SOCS5: variants seen among roughly 807,000 people sequenced by gnomAD.
The protein encoded by SOCS5 is CIS-6.
In SOCS5, 32 loss-of-function variants were observed where a neutral mutation model predicts 42.8. The ratio of observed to expected loss-of-function variants is 0.75; its 90% CI spans 0.56 to 1.01. SOCS5 has a LOEUF of 1.01. SOCS5 is among the 50% of genes least tolerant of loss of function. SOCS5 has a pLI of 0.00. For synonymous variants in SOCS5, 283 were observed against 229.6 expected (o/e 1.23, Z -2.10); for missense variants, 627 against 653.0 (o/e 0.96, Z 0.43).
intron 1 of SOCS5, among the ~76,000 whole-genome samples, chr2:46,726,321 C>T (rs1448556755): frequency 3.9e-5 from 6 of 152,098 alleles, no homozygotes; most frequent in Non-Finnish European, 7.4e-5. Flanking sequence ...TGATCTAAAA[C>T]TCCTAACCTT....
chr2:46,707,570 G>A lies in SOCS5; in HGVS notation c.-13+8121G>A, dbSNP rs41471344. On this transcript the variant is annotated intron_variant, in intron 1 of 1. Transcript: ENST00000394861. ...AAAATTAGGAAATCAGACTAGGACC[G>A]AGGCAGGAGGGGAACAAATTGTGAA... 7.7e-3 allele frequency among the ~76,000 whole-genome samples: 1,167 copies of A among 152,310 alleles called. 23 individuals are homozygous for A. The highest frequency in any genetic ancestry group is 0.027 in the African/African-American group (1,112 of 41,552).
intron 1 of SOCS5, among the ~76,000 whole-genome samples, chr2:46,739,841 G>C (rs1673329982): frequency 6.6e-6 from 1 of 151,964 alleles, no homozygotes; most frequent in Non-Finnish European, 1.5e-5. Context: ...AATCCATTGT[G>C]CATATACTAT....
intron 1 of SOCS5, among the ~76,000 whole-genome samples, chr2:46,744,938 CT>C (rs1673466712): frequency 6.7e-6 from 1 of 149,578 alleles, no homozygotes; most frequent in Non-Finnish European, 1.5e-5. Flanking sequence ...AGTATTGCCC[CT>C]GGAAAGTTTT....
Position 46,746,151 on chromosome 2 carries a change from G to C in SOCS5, c.-12-12368G>C, listed in dbSNP as rs560141561. Among the ~76,000 whole-genome samples the C allele has an allele frequency of 5.3e-5, 8 of 152,130 alleles. No homozygotes were observed. In the South Asian group the frequency reaches 1.5e-3, roughly 28 times the overall value. On this transcript the variant is annotated intron_variant, in intron 1 of 1. Transcript: ENST00000394861. ...AGAAAGGTAGACTGTTTAGGCATCT[G>C]ATTCATCCATGCAAATGATGAAGAC...
chr2:46,710,961 C>T (rs1048442129), intron 1 of SOCS5, among the ~76,000 whole-genome samples: 2 of 152,092 alleles, frequency 1.3e-5, no homozygotes, highest in African/African-American at 4.8e-5. Context: ...TTGAGTCTGG[C>T]TTCTTTTTAT....
chr2:46,716,860 G>A (rs976843633), intron 1 of SOCS5, among the ~76,000 whole-genome samples: 1 of 152,138 alleles, frequency 6.6e-6, no homozygotes, highest in Admixed American at 6.6e-5. Context: ...AGACAGATAC[G>A]GAATAGCTTT....
At chr2:46,749,063 C>T (rs1271523201) in intron 1 of SOCS5, among the ~76,000 whole-genome samples, 2 of 152,042 alleles carry the variant, frequency 1.3e-5, no homozygotes, top group African/African-American at 4.8e-5. Flanking sequence ...GCATTGATGC[C>T]CTGTGCTCTA....
chr2:46,715,117 C>A (rs974393682), intron 1 of SOCS5, among the ~76,000 whole-genome samples: 1 of 151,792 alleles, frequency 6.6e-6, no homozygotes, highest in Non-Finnish European at 1.5e-5. Context: ...TACTGTAATC[C>A]CAGCACTTTG....
chr2:46,729,214 T>C (rs1673059343), intron 1 of SOCS5, among the ~76,000 whole-genome samples: 1 of 152,250 alleles, frequency 6.6e-6, no homozygotes, highest in African/African-American at 2.4e-5. Flanking sequence ...AATTTTTTAC[T>C]AACATCACTG....
intron 1 of SOCS5, among the ~76,000 whole-genome samples, chr2:46,739,912 G>A (rs549105714): frequency 7.2e-5 from 11 of 152,102 alleles, no homozygotes; most frequent in South Asian, 2.1e-4. Context: ...ATTGAAAAAC[G>A]CAGCTGTGAC....
At position 46,763,002 on chromosome 2, in the gene SOCS5, T is replaced by C. The variant is rs1056728964; in HGVS notation, c.*2861T>C. 1.2e-5 allele frequency: 2 copies of C among 167,098 alleles called. No individual in the cohort carries two copies. Among genetic ancestry groups the C allele is most frequent in the Admixed American group, 1.3e-4 (2 of 15,286 alleles). The allele number at this position is 167,098 out of a possible 1,614,324, so 10.4% of individuals were successfully genotyped here. ...CATTTCCACCTGATACAAAAACATT[T>C]AGAGATCTTATTCTATAGATATTAC... is the stretch of plus-strand genomic sequence containing the variant. On this transcript the variant is annotated 3_prime_UTR_variant, in exon 2 of 2. Coordinates refer to ENST00000394861, the MANE Select transcript of SOCS5 (RefSeq NM_144949.3).
chr2:46,750,813 T>A (rs1292748278), intron 1 of SOCS5, among the ~76,000 whole-genome samples: 1 of 152,162 alleles, frequency 6.6e-6, no homozygotes, highest in Non-Finnish European at 1.5e-5. Flanking sequence ...TAGAATAGGC[T>A]AGAAATTTTC....
intron 1 of SOCS5, among the ~76,000 whole-genome samples, chr2:46,756,513 C>A (rs1025270771): frequency 6.6e-6 from 1 of 152,088 alleles, no homozygotes; most frequent in Non-Finnish European, 1.5e-5. Flanking sequence ...GTTTGCTGGC[C>A]CTTGCTCTAC....
At chr2:46,734,866 A>G (rs538429842) in intron 1 of SOCS5, among the ~76,000 whole-genome samples, 32 of 152,158 alleles carry the variant, frequency 2.1e-4, no homozygotes, top group Non-Finnish European at 4.3e-4. Flanking sequence ...TCTCTTCCCC[A>G]CTTTTCAGGT....
chr2:46,743,251 ATAGAG>A (rs773747140), intron 1 of SOCS5, among the ~76,000 whole-genome samples: 22 of 152,170 alleles, frequency 1.4e-4, no homozygotes, highest in Non-Finnish European at 1.9e-4. Flanking sequence ...GGGTGAGTCC[ATAGAG>A]TAAAGTGAAA....
At position 46,759,577 on chromosome 2, in the gene SOCS5, C is replaced by T. The variant is rs41489952; in HGVS notation, c.1047C>T (p.Thr349=). 1 of 1,613,806 alleles carries T rather than the reference C, an allele frequency of 6.2e-7. No homozygotes were observed. Among genetic ancestry groups the T allele is most frequent in the Non-Finnish European group, 8.5e-7 (1 of 1,179,816 alleles). Residue 349 remains threonine (T), a synonymous_variant, in exon 2 of 2, where the codon ACC becomes ACT. Transcript: ENST00000394861. Reference sequence around the variant, plus strand: ...GTCAGATATCTGGAGACAGCCATACCCATGTTAGCAGACAGGGAGCTTGGA... The same window carrying T: ...GTCAGATATCTGGAGACAGCCATACTCATGTTAGCAGACAGGGAGCTTGGA... ...KQRQISGDSH[T]HVSRQGAWKV...
chr2:46,759,669 C>A lies in SOCS5; in HGVS notation c.1139C>A (p.Pro380His). Residue 380 changes from proline (P) to histidine (H), a missense_variant, in exon 2 of 2, where the codon CCC (proline) becomes CAC (histidine). Physicochemically the swap from Pro to His is moderately conservative, Grantham distance 77 (BLOSUM62 -2). This residue lies in a region of SOCS5 where 340 missense variants were observed against 367.6 expected (regional missense o/e 0.92). Coordinates refer to ENST00000394861, the MANE Select transcript of SOCS5 (RefSeq NM_144949.3). ...GATTTGCTTCAAATTACAGGGAATC[C>A]CTGTTACTGGGGAGTGATGGACCGT... Reference protein sequence around the residue: ...VPDLLQITGNPCYWGVMDRYE... With the variant: ...VPDLLQITGNHCYWGVMDRYE... The A allele has an allele frequency of 6.2e-7, 1 of 1,614,020 alleles. No homozygotes were observed. The highest frequency in any genetic ancestry group is 8.5e-7 in the Non-Finnish European group (1 of 1,179,974).
At chr2:46,743,476 A>G (rs1326603928) in intron 1 of SOCS5, among the ~76,000 whole-genome samples, 1 of 152,130 alleles carries the variant, frequency 6.6e-6, no homozygotes, top group Non-Finnish European at 1.5e-5. Flanking sequence ...TGGGAGTGTA[A>G]CAGTGAGGAT....
At chr2:46,712,211 T>C (rs1454783908) in intron 1 of SOCS5, among the ~76,000 whole-genome samples, 1 of 152,088 alleles carries the variant, frequency 6.6e-6, no homozygotes. Flanking sequence ...TCTTCTTTTT[T>C]AGTGTAGAGA....
Sources: gnomAD v4.1 joint callset for allele counts (sites outside exome capture counted in the v4.1 genomes callset) on GRCh38, gnomAD v4.1.1 for gene constraint, gnomAD v4.1.1 regional missense constraint, MANE v1.5 for transcripts, NCBI Gene and HGNC (gene_info 2026-07-23, HGNC 2026-07-21) for gene names.